RABGEF1: variants seen among roughly 807,000 people sequenced by gnomAD.
The protein encoded by RABGEF1 is rab5 GDP/GTP exchange factor.
A neutral mutation model predicts 57.3 loss-of-function variants in RABGEF1; 26 were observed. The ratio of observed to expected loss-of-function variants is 0.45; its 90% CI spans 0.33 to 0.63. RABGEF1 has a LOEUF of 0.63. RABGEF1 is among the 20% of genes least tolerant of loss of function. RABGEF1 has a pLI of 0.02. For synonymous variants in RABGEF1, 185 were observed against 210.7 expected, an observed-to-expected ratio of 0.88 and a Z score of 1.06; for missense variants, 464 against 607.6, an observed-to-expected ratio of 0.76 and a Z score of 2.48.
chr7:66,745,617 A>G (rs1211422611), intron 1 of RABGEF1, among the ~76,000 whole-genome samples: 1 of 151,944 alleles, frequency 6.6e-6, no homozygotes, highest in Non-Finnish European at 1.5e-5. Flanking sequence ...AAATGCAAAA[A>G]ACTTAGCCAG....
At chr7:66,699,640 TG>T (rs1792912525) in intron 1 of RABGEF1, among the ~76,000 whole-genome samples, 1 of 150,542 alleles carries the variant, frequency 6.6e-6, no homozygotes, top group South Asian at 2.1e-4. Flanking sequence ...TTTGGTGAGC[TG>T]GGATCGTGCC....
intron 1 of RABGEF1, among the ~76,000 whole-genome samples, chr7:66,691,792 A>C (rs1377545405): frequency 6.6e-6 from 1 of 152,108 alleles, no homozygotes; most frequent in Admixed American, 6.6e-5. Flanking sequence ...CGTGGCTCAC[A>C]CCTGTAATCC....
chr7:66,737,067 A>AGAGAGT (rs1382098765), upstream of RABGEF1, among the ~76,000 whole-genome samples: 2 of 85,664 alleles, frequency 2.3e-5, no homozygotes, highest in African/African-American at 7.1e-5. Context: ...AGAGAGAGAG[A>AGAGAGT]GAGAGTGAGA....
intron 1 of RABGEF1, among the ~76,000 whole-genome samples, chr7:66,685,448 A>C (rs536624651): frequency 6.6e-6 from 1 of 152,202 alleles, no homozygotes; most frequent in Admixed American, 6.5e-5. Flanking sequence ...TGAGGCTAGG[A>C]GTTGGAGACC....
chr7:66,690,158 G>C (rs1791312544), intron 1 of RABGEF1, among the ~76,000 whole-genome samples: 1 of 146,500 alleles, frequency 6.8e-6, no homozygotes, highest in East Asian at 2.0e-4. Flanking sequence ...CTGGAGTGCA[G>C]TGGTGCGATC....
chr7:66,672,129 A>T, the RABGEF1 span, among the ~76,000 whole-genome samples: 3 of 151,102 alleles, frequency 2.0e-5, no homozygotes, highest in African/African-American at 4.9e-5. Context: ...GTTAAAAAAT[A>T]AAAAAAAACC....
At chr7:66,733,516 G>C (rs1797581641) in intron 2 of RABGEF1, among the ~76,000 whole-genome samples, 1 of 151,996 alleles carries the variant, frequency 6.6e-6, no homozygotes, top group Non-Finnish European at 1.5e-5. Context: ...GGCCAACATG[G>C]TGAAACCCCC....
chr7:66,743,059 C>T (rs1248510312), intron 1 of RABGEF1, among the ~76,000 whole-genome samples: 1 of 152,040 alleles, frequency 6.6e-6, no homozygotes, highest in East Asian at 1.9e-4. Context: ...CCTGTAATCC[C>T]AGCACTTTGG....
At chr7:66,695,963 CA>C (rs72236148) in intron 1 of RABGEF1, among the ~76,000 whole-genome samples, 56,314 of 142,242 alleles carry the variant, frequency 0.4, 10,931 homozygotes, top group Middle Eastern at 0.58. Context: ...GAGACTGTCT[CA>C]AAAAAAAAAA....
chr7:66,692,792 C>T (rs1791717904), intron 1 of RABGEF1, among the ~76,000 whole-genome samples: 1 of 150,196 alleles, frequency 6.7e-6, no homozygotes, highest in East Asian at 2.0e-4. Context: ...CCTCCACATT[C>T]CCAAGGAGGA....
At position 66,785,546 on chromosome 7, in the gene RABGEF1, G is replaced by C. The variant is rs1285391059; in HGVS notation, c.513+1705G>C. On this transcript the variant is annotated intron_variant, in intron 4 of 8. Coordinates refer to ENST00000284957, the MANE Select transcript of RABGEF1 (RefSeq NM_014504.3). ...CTAATCATATAAATTTCTTGGGGCA[G>C]TTCCTCTGAAGTTGTGAAGAATGTG... Among the ~76,000 whole-genome samples, 5 of 152,214 alleles carry C rather than the reference G, an allele frequency of 3.3e-5. No individual in the cohort carries two copies. In the East Asian group the frequency reaches 7.7e-4, roughly 23 times the overall value.
At chr7:66,785,521 C>G (rs1468504842) in intron 4 of RABGEF1, among the ~76,000 whole-genome samples, 2 of 152,216 alleles carry the variant, frequency 1.3e-5, no homozygotes, top group African/African-American at 4.8e-5. Context: ...CTTCAGATCA[C>G]TAATCATATA....
the RABGEF1 span, among the ~76,000 whole-genome samples, chr7:66,662,102 G>A: frequency 2.0e-5 from 3 of 152,090 alleles, no homozygotes; most frequent in African/African-American, 7.2e-5. Context: ...AGCCGGGCAC[G>A]GTGGCAGACA....
the RABGEF1 span, among the ~76,000 whole-genome samples, chr7:66,668,129 G>A: frequency 2.4e-4 from 37 of 152,116 alleles, no homozygotes; most frequent in Non-Finnish European, 4.4e-4. Context: ...ACAGGGTTTT[G>A]CTCTGTCACC....
the RABGEF1 span, among the ~76,000 whole-genome samples, chr7:66,660,221 G>A: frequency 5.3e-5 from 8 of 152,032 alleles, no homozygotes; most frequent in South Asian, 4.2e-4. Flanking sequence ...GGTGGCGGGC[G>A]CCTGTAGTCC....
chr7:66,732,437 G>A (rs972150968), intron 2 of RABGEF1, among the ~76,000 whole-genome samples: 3 of 152,172 alleles, frequency 2.0e-5, no homozygotes, highest in Non-Finnish European at 4.4e-5. Flanking sequence ...GGAGCTGGCA[G>A]TAAGTGGGTG....
chr7:66,775,024 A>G (rs1342953840), intron 2 of RABGEF1, among the ~76,000 whole-genome samples: 1 of 152,192 alleles, frequency 6.6e-6, no homozygotes, highest in Non-Finnish European at 1.5e-5. Flanking sequence ...TAGCTGAATG[A>G]GTATGAGAAG....
At chr7:66,718,441 A>G (rs1338936384) in intron 2 of RABGEF1, among the ~76,000 whole-genome samples, 4 of 152,202 alleles carry the variant, frequency 2.6e-5, no homozygotes, top group African/African-American at 9.6e-5. Flanking sequence ...TCTGTTAATT[A>G]TCTTTTTCCA....
chr7:66,760,438 A>G (rs1329981302), intron 1 of RABGEF1, among the ~76,000 whole-genome samples: 1 of 141,302 alleles, frequency 7.1e-6, no homozygotes, highest in East Asian at 2.2e-4. Flanking sequence ...GTTGGTTAGC[A>G]TGTATTTTTT....
Sources: gnomAD v4.1 joint callset for allele counts (sites outside exome capture counted in the v4.1 genomes callset) on GRCh38, gnomAD v4.1.1 for gene constraint, MANE v1.5 for transcripts, NCBI Gene and HGNC (gene_info 2026-07-23, HGNC 2026-07-21) for gene names.